UTRN: variants seen among roughly 807,000 people sequenced by gnomAD.
UTRN encodes the protein utrophin.
UTRN carries 283 observed loss-of-function variants against 463.9 expected under a neutral mutation model. The ratio of observed to expected loss-of-function variants is 0.61; its 90% CI spans 0.55 to 0.67. The LOEUF is 0.67. Ranked by LOEUF, UTRN falls within the 30% of genes least tolerant of loss-of-function variation. The pLI, the probability that UTRN is intolerant of heterozygous loss-of-function variation, is 0.00. For missense variants in UTRN, 3,922 were observed against 4,084.3 expected (o/e 0.96, Z 1.08); for synonymous variants, 1,442 against 1,431.5 (o/e 1.01, Z -0.17).
intron 71 of UTRN, 176 bp downstream of exon 71, chr6:144,836,717 T>C: frequency 1.0e-6 from 1 of 981,300 alleles, no homozygotes; most frequent in Non-Finnish European, 1.4e-6. Context: ...AAATCCTCAT[T>C]GGCACACAAA....
Position 144,447,212 on chromosome 6 carries a change from G to A in UTRN, c.1616G>A (p.Cys539Tyr). The A allele has an allele frequency of 1.2e-6, 2 of 1,613,492 alleles. No individual in the cohort carries two copies. Among genetic ancestry groups the A allele is most frequent in the Middle Eastern group, 1.7e-4 (1 of 6,058 alleles). ...TTCAACTTTTGTTATTACTTGTAGTGCTTGTTGAAAGCTTGGTTAACCGAA... is the reference window on the plus strand; with the variant it reads ...TTCAACTTTTGTTATTACTTGTAGTACTTGTTGAAAGCTTGGTTAACCGAA... ...ILWQELLEEQCLLKAWLTEKE... is the reference protein window; with the variant it reads ...ILWQELLEEQYLLKAWLTEKE... Residue 539 changes from cysteine to tyrosine, a missense_variant and splice_region_variant, in exon 15 of 75, where the codon TGC becomes TAC. By Grantham distance (194) the Cys-to-Tyr change is radical. Coordinates refer to ENST00000367545, the MANE Select transcript of UTRN (RefSeq NM_007124.3).
At chr6:144,771,733 A>C (rs1794044465) in intron 58 of UTRN, among the ~76,000 whole-genome samples, 174 bp from the exon 59 acceptor site, 1 of 151,924 alleles carries the variant, frequency 6.6e-6, no homozygotes, top group South Asian at 2.1e-4. Flanking sequence ...CCAATGTTTC[A>C]AATGTTAAGT....
At chr6:144,841,126 T>G (rs747215486) in intron 73 of UTRN, among the ~76,000 whole-genome samples, 4 of 152,148 alleles carry the variant, frequency 2.6e-5, no homozygotes, top group Non-Finnish European at 4.4e-5. Context: ...AAGAAGAAAT[T>G]ATCCTCTTCG....
chr6:144,689,438 A>G, intron 52 of UTRN, among the ~76,000 whole-genome samples: 1 of 152,204 alleles, frequency 6.6e-6, no homozygotes, highest in East Asian at 1.9e-4. Context: ...CTGGGAGTCA[A>G]GGCCTGCTGT....
chr6:144,755,975 C>T (rs373543092), intron 57 of UTRN, among the ~76,000 whole-genome samples: 1 of 152,062 alleles, frequency 6.6e-6, no homozygotes, highest in African/African-American at 2.4e-5. Context: ...ACCCTCCTCA[C>T]TGCCCCCACC....
chr6:144,382,055 G>T (rs1156872727), intron 2 of UTRN, among the ~76,000 whole-genome samples: 1 of 152,088 alleles, frequency 6.6e-6, no homozygotes, highest in African/African-American at 2.4e-5. Flanking sequence ...ATTCTGACTG[G>T]TGTGAAATTT....
chr6:144,844,459 G>A (rs745377898), intron 73 of UTRN, among the ~76,000 whole-genome samples: 1 of 151,974 alleles, frequency 6.6e-6, no homozygotes, highest in Non-Finnish European at 1.5e-5. Context: ...AGTAGAGATC[G>A]GGTTTCACCA....
rs9403616 is a variant in UTRN, at chr6:144,835,644, G to A, written c.9666-136G>A. 3.8e-6 allele frequency: 4 copies of A among 1,051,854 alleles called. No homozygotes were observed. In the African/African-American group the frequency reaches 4.8e-5, roughly 13 times the overall value. 65.2% of individuals were successfully genotyped at this position (1,051,854 alleles called of 1,614,324 possible). ...CTTCTTCCTAGAGTTTTAAAAGGGA[G>A]GTCATGGAGACACTGAGCTCTAAGA... On this transcript the variant is annotated intron_variant, in intron 69 of 74. Transcript: ENST00000367545.
intron 41 of UTRN, among the ~76,000 whole-genome samples, chr6:144,526,115 T>C (rs1213704201): frequency 1.3e-5 from 2 of 152,244 alleles, no homozygotes; most frequent in Non-Finnish European, 2.9e-5. Flanking sequence ...ATGGTCTATC[T>C]TGGAGAATAT....
intron 9 of UTRN, among the ~76,000 whole-genome samples, chr6:144,430,354 C>T (rs1466864879): frequency 6.6e-6 from 1 of 152,086 alleles, no homozygotes; most frequent in Non-Finnish European, 1.5e-5. Context: ...TTGAATCAAT[C>T]CATATTTAAT....
intron 65 of UTRN, among the ~76,000 whole-genome samples, chr6:144,806,875 T>TAG (rs1349548014): frequency 3.9e-5 from 6 of 152,058 alleles, no homozygotes; most frequent in African/African-American, 7.2e-5. Context: ...ATGCAAGTAT[T>TAG]CAGAAATCAT....
chr6:144,779,495 C>A (rs886779061), intron 60 of UTRN, among the ~76,000 whole-genome samples: 16 of 152,070 alleles, frequency 1.1e-4, no homozygotes, highest in African/African-American at 2.9e-4. Flanking sequence ...TAGTAAAAGA[C>A]AAAATATATT....
chr6:144,650,780 G>A (rs1321380631), intron 51 of UTRN, among the ~76,000 whole-genome samples: 3 of 152,030 alleles, frequency 2.0e-5, no homozygotes, highest in Admixed American at 6.6e-5. Context: ...GTGGTGGCAC[G>A]AGCCTGTAAT....
chr6:144,335,395 T>C (rs1584325408), intron 2 of UTRN, among the ~76,000 whole-genome samples: 2 of 152,236 alleles, frequency 1.3e-5, no homozygotes, highest in East Asian at 1.9e-4. Flanking sequence ...TGTAGAGCAT[T>C]TTAATAACAG....
At chr6:144,560,497 A>G (rs1799771217) in intron 50 of UTRN, among the ~76,000 whole-genome samples, 1 of 152,040 alleles carries the variant, frequency 6.6e-6, no homozygotes, top group Non-Finnish European at 1.5e-5. Context: ...CCTTTTTACC[A>G]TGGCTGCCCT....
intron 53 of UTRN, among the ~76,000 whole-genome samples, chr6:144,724,475 C>A (rs1787621476): frequency 2.6e-5 from 4 of 152,076 alleles, no homozygotes; most frequent in Admixed American, 2.0e-4. Context: ...GATCCTCCCG[C>A]CTCAGCCTCC....
chr6:144,731,563 G>T (rs1195275660), intron 54 of UTRN, among the ~76,000 whole-genome samples: 1 of 152,196 alleles, frequency 6.6e-6, no homozygotes, highest in Non-Finnish European at 1.5e-5. Flanking sequence ...CAGACATATG[G>T]ACAGGTAGCC....
intron 58 of UTRN, among the ~76,000 whole-genome samples, chr6:144,771,122 G>A (rs1793954561): frequency 6.6e-6 from 1 of 152,182 alleles, no homozygotes; most frequent in African/African-American, 2.4e-5. Flanking sequence ...TCTGGAGCCT[G>A]CATTGATCTG....
chr6:144,430,280 A>G (rs1427661568), intron 9 of UTRN, among the ~76,000 whole-genome samples: 2 of 152,164 alleles, frequency 1.3e-5, no homozygotes, highest in Non-Finnish European at 1.5e-5. Context: ...ATTCATCAGG[A>G]TATAAATGAA....
Sources: gnomAD v4.1 joint callset for allele counts (sites outside exome capture counted in the v4.1 genomes callset) on GRCh38, gnomAD v4.1.1 for gene constraint, MANE v1.5 for transcripts, NCBI Gene and HGNC (gene_info 2026-07-23, HGNC 2026-07-21) for gene names.